The following FAM135B variants were observed in gnomAD, a reference collection of about 807,000 sequenced individuals.
The protein encoded by FAM135B is protein FAM135B.
Under a neutral mutation model 127.7 loss-of-function variants are expected in FAM135B, and 43 were observed. The ratio of observed to expected loss-of-function variants is 0.34; its 90% CI spans 0.26 to 0.43. The LOEUF is 0.43. Ranked by LOEUF, FAM135B falls within the 20% of genes least tolerant of loss-of-function variation. The pLI is 1.00. For synonymous variants in FAM135B, 670 were observed against 665.1 expected (o/e 1.01, Z -0.11); for missense variants, 1,558 against 1,725.6 (o/e 0.90, Z 1.72).
chr8:138,194,384 C>T (rs1035921357), intron 9 of FAM135B, among the ~76,000 whole-genome samples: 2 of 152,174 alleles, frequency 1.3e-5, no homozygotes, highest in African/African-American at 4.8e-5. Context: ...TTGTAACATG[C>T]CCTAAAGCAG....
chr8:138,142,294 T>C (rs1449289914), intron 16 of FAM135B, among the ~76,000 whole-genome samples: 2 of 92,592 alleles, frequency 2.2e-5, no homozygotes, highest in African/African-American at 8.9e-5. Context: ...TCTTCTTTTT[T>C]TTTTTTTTTT....
chr8:138,461,405 C>T (rs1225761518), intron 1 of FAM135B, among the ~76,000 whole-genome samples: 2 of 152,146 alleles, frequency 1.3e-5, no homozygotes, highest in Admixed American at 1.3e-4. Flanking sequence ...GAAGAGATTA[C>T]AAAAATTCCT....
intron 12 of FAM135B, among the ~76,000 whole-genome samples, chr8:138,160,555 ATT>A (rs61562037): frequency 1.4e-5 from 2 of 142,606 alleles, no homozygotes; most frequent in Middle Eastern, 3.6e-3. Flanking sequence ...TGCCCAGCTC[ATT>A]TTTTTTTTTT....
chr8:138,464,408 C>A (rs1208901744), intron 1 of FAM135B, among the ~76,000 whole-genome samples: 1 of 152,138 alleles, frequency 6.6e-6, no homozygotes, highest in Non-Finnish European at 1.5e-5. Flanking sequence ...TCCCCCCCAA[C>A]ACATGGCACA....
chr8:138,394,212 C>G (rs758255309), intron 1 of FAM135B, among the ~76,000 whole-genome samples: 3 of 152,172 alleles, frequency 2.0e-5, no homozygotes, highest in Non-Finnish European at 2.9e-5. Flanking sequence ...TTCAAAACCT[C>G]TGGAGTCCAT....
At position 138,243,000 on chromosome 8, in the gene FAM135B, A is replaced by G; in HGVS notation, c.611T>C (p.Ile204Thr). ...GGPDTGQEQS[I>T]ISLENLVFGA... ...AAAGACCAAGTTTTCCAGAGAAATG[A>G]TAGACTGTTCTTGTCCGGTGTCTGG... The change falls in exon 7 of 20, where the codon ATC (isoleucine) becomes ACC (threonine). Residue 204 changes from isoleucine (I) to threonine (T), a missense_variant. Transcript: ENST00000395297. The surrounding 1 kb of genome is among the most constrained non-coding windows in gnomAD (Gnocchi z 9.6). 6.2e-7 allele frequency: 1 copy of G among 1,613,990 alleles called. No homozygotes were observed. Among genetic ancestry groups the G allele is most frequent in the East Asian group, 2.2e-5 (1 of 44,862 alleles).
chr8:138,153,936 T>C (rs538518699), intron 12 of FAM135B, among the ~76,000 whole-genome samples: 153 of 152,072 alleles, frequency 1.0e-3, no homozygotes, highest in Middle Eastern at 3.4e-3. Context: ...TTGAAGAGAG[T>C]AGTGGTTCTC....
intron 1 of FAM135B, among the ~76,000 whole-genome samples, chr8:138,388,081 C>T (rs898641945): frequency 6.6e-6 from 1 of 152,050 alleles, no homozygotes. Context: ...AAAAGTGGGC[C>T]GAGACCTTAA....
chr8:138,355,280 T>G (rs1361395122), intron 2 of FAM135B, among the ~76,000 whole-genome samples: 1 of 152,196 alleles, frequency 6.6e-6, no homozygotes, highest in Non-Finnish European at 1.5e-5. Flanking sequence ...CTATGTTTAC[T>G]GCGGCACTAC....
chr8:138,395,324 C>T (rs1832788020), intron 1 of FAM135B, among the ~76,000 whole-genome samples: 1 of 152,116 alleles, frequency 6.6e-6, no homozygotes, highest in Non-Finnish European at 1.5e-5. Context: ...AGGAGCCTGG[C>T]TGGGAGACGC....
intron 2 of FAM135B, among the ~76,000 whole-genome samples, chr8:138,365,503 AAT>A (rs78131208): frequency 0.023 from 3,556 of 152,302 alleles, 59 homozygotes; most frequent in East Asian, 0.11. Flanking sequence ...CTATATATCA[AAT>A]AGTTTTTAAA....
At chr8:138,309,953 T>A (rs2130887918) in intron 3 of FAM135B, among the ~76,000 whole-genome samples, 1 of 141,532 alleles carries the variant, frequency 7.1e-6, no homozygotes, top group South Asian at 2.3e-4. Flanking sequence ...CACTGCCACC[T>A]CCACCTCCCA....
chr8:138,465,696 T>G, intron 1 of FAM135B, among the ~76,000 whole-genome samples: 1 of 152,026 alleles, frequency 6.6e-6, no homozygotes, highest in East Asian at 1.9e-4. Flanking sequence ...TGAGTGTGAC[T>G]TGTACCCAGC....
intron 11 of FAM135B, 66 bp downstream of exon 11, chr8:138,177,281 A>T (rs2130963422): frequency 6.9e-7 from 1 of 1,447,376 alleles, no homozygotes; most frequent in Non-Finnish European, 9.6e-7. Context: ...AGTGAAGAGT[A>T]ACTTTGAACA....
intron 1 of FAM135B, among the ~76,000 whole-genome samples, chr8:138,473,048 G>C (rs1837774327): frequency 6.6e-6 from 1 of 152,136 alleles, no homozygotes; most frequent in African/African-American, 2.4e-5. Flanking sequence ...TGGAAAAATA[G>C]GAATAAACTG....
chr8:138,271,036 C>A (rs1300415793), intron 3 of FAM135B, among the ~76,000 whole-genome samples: 1 of 152,308 alleles, frequency 6.6e-6, no homozygotes. Flanking sequence ...TGATGAGATT[C>A]ATTTCTATCC....
rs568149714 is a variant in FAM135B, at chr8:138,241,262, C to T, written c.669+1680G>A. 2.6e-5 allele frequency among the ~76,000 whole-genome samples: 4 copies of T among 152,300 alleles called. No individual in the cohort carries two copies. In the South Asian group the frequency reaches 8.3e-4, roughly 32 times the overall value. On this transcript the variant is annotated intron_variant, in intron 7 of 19. Transcript: ENST00000395297. This position sits in a 1 kb window ranked among gnomAD's most constrained non-coding sequence, Gnocchi z 4.8. ...ACTCATTCACTTCCTATGTGCTGGGCCCTGCGTCAGTGCTAAGGACGTCAG... is the reference window on the plus strand; with the variant it reads ...ACTCATTCACTTCCTATGTGCTGGGTCCTGCGTCAGTGCTAAGGACGTCAG...
intron 3 of FAM135B, among the ~76,000 whole-genome samples, chr8:138,302,342 A>T (rs1343824523): frequency 6.6e-6 from 1 of 152,036 alleles, no homozygotes; most frequent in African/African-American, 2.4e-5. Flanking sequence ...ACATCTCTGG[A>T]TGCATGCTTC....
intron 1 of FAM135B, among the ~76,000 whole-genome samples, chr8:138,371,097 A>G (rs1261218941): frequency 3.3e-5 from 5 of 152,204 alleles, no homozygotes; most frequent in Non-Finnish European, 5.9e-5. Context: ...CAAGGGTTTT[A>G]GCATTAACCA....
Sources: gnomAD v4.1 joint callset for allele counts (sites outside exome capture counted in the v4.1 genomes callset) on GRCh38, gnomAD v4.1.1 for gene constraint, Gnocchi (gnomAD v3.1) non-coding constraint, MANE v1.5 for transcripts, NCBI Gene and HGNC (gene_info 2026-07-23, HGNC 2026-07-21) for gene names.